NAV3: variants seen among roughly 807,000 people sequenced by gnomAD.
NAV3 encodes pore membrane and/or filament interacting like protein 1.
Under a neutral mutation model 244.7 loss-of-function variants are expected in NAV3, and 87 were observed. That is an observed-to-expected ratio of 0.36 (90% confidence interval 0.30 to 0.42). NAV3 has a LOEUF of 0.42. NAV3 is among the 20% of genes least tolerant of loss of function. The probability of loss-of-function intolerance (pLI) is 1.00; values close to 1 mark genes in which losing one functional copy is unlikely to be tolerated. For missense variants in NAV3, 2,663 were observed against 2,893.3 expected, an observed-to-expected ratio of 0.92 and a Z score of 1.83; for synonymous variants, 1,126 against 1,042.2, an observed-to-expected ratio of 1.08 and a Z score of -1.55.
chr12:77,846,713 A>G (rs568999894), intron 1 of NAV3, among the ~76,000 whole-genome samples: 36 of 152,206 alleles, frequency 2.4e-4, no homozygotes, highest in Non-Finnish European at 4.6e-4. Context: ...GATGCTGTCA[A>G]TTATCTATTT....
At chr12:78,131,608 T>C (rs887960754) in intron 18 of NAV3, among the ~76,000 whole-genome samples, 9 of 152,164 alleles carry the variant, frequency 5.9e-5, no homozygotes, top group Non-Finnish European at 1.3e-4. Context: ...AGTTGACTCC[T>C]TCTTCTATTT....
intron 2 of NAV3, among the ~76,000 whole-genome samples, chr12:77,765,842 G>A (rs533212901): frequency 4.0e-5 from 6 of 151,394 alleles, no homozygotes; most frequent in Non-Finnish European, 8.8e-5. Flanking sequence ...TAGAGAAGAG[G>A]GACAAGCAAG....
intron 22 of NAV3, among the ~76,000 whole-genome samples, chr12:78,156,394 T>G (rs1034800030): frequency 1.3e-5 from 2 of 152,146 alleles, no homozygotes; most frequent in African/African-American, 2.4e-5. Flanking sequence ...TTATAAGTTT[T>G]TTTGTGCATA....
At chr12:77,980,160 T>C (rs1050405183) in intron 5 of NAV3, among the ~76,000 whole-genome samples, 4 of 152,120 alleles carry the variant, frequency 2.6e-5, no homozygotes, top group Non-Finnish European at 5.9e-5. Flanking sequence ...TTGGGTTGCC[T>C]GATGGTTGGT....
intron 14 of NAV3, among the ~76,000 whole-genome samples, chr12:78,118,732 T>A (rs937009752): frequency 6.6e-6 from 1 of 152,196 alleles, no homozygotes; most frequent in Non-Finnish European, 1.5e-5. Context: ...TGCTGGAGAT[T>A]TGAAATATTG....
chr12:78,185,673 T>C lies in NAV3; in HGVS notation c.5765T>C (p.Ile1922Thr). ...CGCAGTGTGAAAATTATAGTCTCCA[T>C]AAGCAAGGGCTATGGTCGAGCAAAG... The part of the protein sequence containing the change: ...DGRSVKIIVS[I>T]SKGYGRAKDQ... Residue 1922 changes from isoleucine to threonine, a missense_variant, in exon 31 of 40, where the codon ATA becomes ACA. This residue lies in a region of NAV3 where 543 missense variants were observed against 672.4 expected (regional missense o/e 0.81). Coordinates refer to ENST00000397909, the MANE Select transcript of NAV3 (RefSeq NM_001024383.2). The C allele has an allele frequency of 6.2e-7, 1 of 1,608,294 alleles. No individual in the cohort carries two copies. Among genetic ancestry groups the C allele is most frequent in the Non-Finnish European group, 8.5e-7 (1 of 1,177,236 alleles).
intron 2 of NAV3, among the ~76,000 whole-genome samples, chr12:77,573,662 A>T (rs1338631015): frequency 6.6e-6 from 1 of 152,160 alleles, no homozygotes; most frequent in African/African-American, 2.4e-5. Context: ...AAGCCATTTA[A>T]TCATCTTTTC....
chr12:78,154,297 TACTATA>T (rs1210547507), intron 22 of NAV3, among the ~76,000 whole-genome samples: 1 of 78,980 alleles, frequency 1.3e-5, no homozygotes, highest in African/African-American at 4.4e-5. Context: ...TACTATATAT[TACTATA>T]TAATATATAG....
At chr12:77,598,613 T>G (rs917013176) in intron 2 of NAV3, among the ~76,000 whole-genome samples, 3 of 151,950 alleles carry the variant, frequency 2.0e-5, no homozygotes, top group Non-Finnish European at 4.4e-5. Flanking sequence ...CTGCATATCT[T>G]TAATGTGTAT....
At chr12:78,015,190 T>G (rs1056189647) in intron 8 of NAV3, among the ~76,000 whole-genome samples, 1 of 152,138 alleles carries the variant, frequency 6.6e-6, no homozygotes, top group Non-Finnish European at 1.5e-5. Context: ...TTGGAAACCA[T>G]TTTAATCTTA....
At chr12:77,786,182 A>G (rs1415451165) in intron 2 of NAV3, among the ~76,000 whole-genome samples, 1 of 152,162 alleles carries the variant, frequency 6.6e-6, no homozygotes, top group Admixed American at 6.5e-5. Context: ...TGTCTATTAT[A>G]TTATGCCCCT....
chr12:77,630,116 G>C (rs935815858), intron 2 of NAV3, among the ~76,000 whole-genome samples: 23 of 152,126 alleles, frequency 1.5e-4, no homozygotes, highest in Non-Finnish European at 2.9e-4. Flanking sequence ...TGGACTCCAG[G>C]AGTCAACTGA....
At chr12:78,010,554 C>G (rs1875089770) in intron 8 of NAV3, among the ~76,000 whole-genome samples, 1 of 152,034 alleles carries the variant, frequency 6.6e-6, no homozygotes, top group South Asian at 2.1e-4. Flanking sequence ...ATAATCTCTT[C>G]AGATCATAAA....
chr12:78,064,565 T>C (rs1884776988), intron 12 of NAV3, among the ~76,000 whole-genome samples: 1 of 152,176 alleles, frequency 6.6e-6, no homozygotes, highest in African/African-American at 2.4e-5. Flanking sequence ...TAATTTAACC[T>C]GAATTACCTC....
At position 78,119,593 on chromosome 12, in the gene NAV3, C is replaced by T. The variant is rs1955578061; in HGVS notation, c.3397C>T (p.Leu1133=). 6.2e-7 allele frequency: 1 copy of T among 1,614,120 alleles called. No individual in the cohort carries two copies. The highest frequency in any genetic ancestry group is 8.5e-7 in the Non-Finnish European group (1 of 1,180,022). The change falls in exon 15 of 40, where the codon CTA becomes TTA. Residue 1133 remains leucine (L), a synonymous_variant. Transcript: ENST00000397909. ...VVLHVSSKTT[L]QYRSLPRPSK... ...GCTGCATGTTAGCTCAAAGACTACC[C>T]TACAATATCGCAGCTTGCCCCGCCC... is the stretch of plus-strand genomic sequence containing the variant.
intron 12 of NAV3, chr12:78,088,776 G>A (rs1050111659): frequency 3.9e-5 from 6 of 152,102 alleles, no homozygotes; most frequent in African/African-American, 1.2e-4. Context: ...CCCAGAATCC[G>A]AGAGTATGAG....
chr12:77,928,539 T>C (rs1373463921), intron 1 of NAV3, among the ~76,000 whole-genome samples: 1 of 152,174 alleles, frequency 6.6e-6, no homozygotes, highest in East Asian at 1.9e-4. Context: ...TTATCCTTGT[T>C]GGTACTGCCC....
chr12:78,191,297 C>T (rs1030708010), intron 34 of NAV3, among the ~76,000 whole-genome samples: 7 of 151,920 alleles, frequency 4.6e-5, no homozygotes, highest in African/African-American at 1.5e-4. Context: ...ATGTGTGTGT[C>T]TGTGTGTGTG....
chr12:77,760,909 T>C (rs1171923693), intron 2 of NAV3, among the ~76,000 whole-genome samples: 4 of 152,284 alleles, frequency 2.6e-5, no homozygotes, highest in Admixed American at 2.6e-4. Flanking sequence ...ATAAAATTAA[T>C]GTGAAGCAAT....
Sources: gnomAD v4.1 joint callset for allele counts (sites outside exome capture counted in the v4.1 genomes callset) on GRCh38, gnomAD v4.1.1 for gene constraint, gnomAD v4.1.1 regional missense constraint, MANE v1.5 for transcripts, NCBI Gene and HGNC (gene_info 2026-07-23, HGNC 2026-07-21) for gene names.